The following DAPK2 variants were observed in gnomAD, a reference collection of about 807,000 sequenced individuals.
DAPK2 encodes the protein death associated protein kinase 2.
In DAPK2, 35 loss-of-function variants were observed where a neutral mutation model predicts 44.1. That is an observed-to-expected ratio of 0.79 (90% CI 0.61 to 1.05). The LOEUF is 1.05. Among genes scored for constraint, DAPK2 ranks in the 50% least tolerant of loss-of-function variants. The pLI, the probability that DAPK2 is intolerant of heterozygous loss-of-function variation, is 0.00. For missense variants in DAPK2, 453 were observed against 483.2 expected, an observed-to-expected ratio of 0.94 and a Z score of 0.59; for synonymous variants, 174 against 182.6, an observed-to-expected ratio of 0.95 and a Z score of 0.38.
chr15:63,988,274 C>G (rs758051839), intron 1 of DAPK2, among the ~76,000 whole-genome samples: 30 of 152,098 alleles, frequency 2.0e-4, no homozygotes, highest in Non-Finnish European at 3.4e-4. Flanking sequence ...TAAGGGCTCT[C>G]TAGTTGTCTG....
chr15:63,980,209 A>G lies in DAPK2; in HGVS notation c.314+3324T>C, dbSNP rs1423339450. ...CAGATGGTGCACCTGAGCTCACAAG[A>G]AGCCGGCACATAACTGGCTGACCAT... is the stretch of plus-strand genomic sequence containing the variant. On this transcript the variant is annotated intron_variant, in intron 2 of 10. Transcript: ENST00000261891. This position sits in a 1 kb window ranked among gnomAD's most constrained non-coding sequence, Gnocchi z 4.3. Among the ~76,000 whole-genome samples the G allele has an allele frequency of 2.0e-5, 3 of 152,148 alleles. No individual in the cohort carries two copies. The highest frequency in any genetic ancestry group is 4.4e-5 in the Non-Finnish European group (3 of 68,030).
chr15:63,933,580 A>C (rs2077039008), intron 4 of DAPK2, among the ~76,000 whole-genome samples: 1 of 145,384 alleles, frequency 6.9e-6, no homozygotes, highest in Non-Finnish European at 1.5e-5. Context: ...CTGAAGTAGC[A>C]GTTCAGGACA....
chr15:63,930,087 C>T (rs1284178908), intron 5 of DAPK2, among the ~76,000 whole-genome samples: 1 of 152,212 alleles, frequency 6.6e-6, no homozygotes, highest in African/African-American at 2.4e-5. Flanking sequence ...ACTGAGCGAG[C>T]TACTGTTACT....
intron 2 of DAPK2, among the ~76,000 whole-genome samples, chr15:63,976,122 T>C (rs2078339641): frequency 6.6e-6 from 1 of 152,184 alleles, no homozygotes; most frequent in African/African-American, 2.4e-5. Context: ...TGATATGCTG[T>C]GACTTACAAA....
At chr15:64,031,562 G>A (rs145143544) in intron 1 of DAPK2, among the ~76,000 whole-genome samples, 5 of 152,278 alleles carry the variant, frequency 3.3e-5, no homozygotes, top group East Asian at 1.9e-4. Context: ...TATGTCAATC[G>A]TTTTCACTTT....
At chr15:63,956,029 T>C (rs142173741) in intron 3 of DAPK2, among the ~76,000 whole-genome samples, 33 of 152,380 alleles carry the variant, frequency 2.2e-4, no homozygotes, top group African/African-American at 7.7e-4. Context: ...TGGTAGGTTG[T>C]ACCTGTCTAG....
chr15:63,923,026 G>T lies in DAPK2; in HGVS notation c.858+1790C>A, dbSNP rs1460306104. ...GCTTCTTCAATGACTCCACCTTGCG[G>T]AACTCATACCTGAGCTGGGACAGGT... On this transcript the variant is annotated intron_variant, in intron 8 of 10. Coordinates refer to ENST00000261891, the Ensembl canonical transcript of DAPK2. The surrounding 1 kb of genome is among the most constrained non-coding windows in gnomAD (Gnocchi z 4.2). 1 of 1,535,858 alleles carries T rather than the reference G, an allele frequency of 6.5e-7. No homozygotes were observed. Among genetic ancestry groups the T allele is most frequent in the East Asian group, 2.4e-5 (1 of 40,908 alleles).
intron 1 of DAPK2, among the ~76,000 whole-genome samples, chr15:63,996,477 T>A (rs2078951628): frequency 6.6e-6 from 1 of 152,080 alleles, no homozygotes; most frequent in East Asian, 1.9e-4. Context: ...TAAAAATAAA[T>A]GAGACACCCG....
At chr15:63,926,043 G>A (rs1567207541) in exon 7 of DAPK2, 1 of 1,613,928 alleles carries the variant, frequency 6.2e-7, no homozygotes, top group Non-Finnish European at 8.5e-7. Context: ...TGTGATATTT[G>A]CCAGTGTTTC....
At chr15:64,036,343 A>G (rs1007826930) in intron 1 of DAPK2, among the ~76,000 whole-genome samples, 3 of 136,106 alleles carry the variant, frequency 2.2e-5, no homozygotes, top group African/African-American at 7.7e-5. Flanking sequence ...ATATACATAT[A>G]TATATATATA....
intron 1 of DAPK2, among the ~76,000 whole-genome samples, chr15:64,014,129 G>T (rs1219819531): frequency 2.0e-5 from 3 of 152,226 alleles, no homozygotes; most frequent in Non-Finnish European, 2.9e-5. Context: ...GGGAAATGGG[G>T]TTATCACAGA....
At chr15:63,938,020 A>G (rs2077209984) in intron 4 of DAPK2, among the ~76,000 whole-genome samples, 1 of 151,938 alleles carries the variant, frequency 6.6e-6, no homozygotes, top group South Asian at 2.1e-4. Flanking sequence ...GTGACAAATA[A>G]CCTGAGTTTA....
At chr15:64,017,487 T>C (rs2079562096) in intron 1 of DAPK2, among the ~76,000 whole-genome samples, 1 of 152,174 alleles carries the variant, frequency 6.6e-6, no homozygotes, top group Non-Finnish European at 1.5e-5. Flanking sequence ...CTCAAGGTGC[T>C]TGCATCTCCC....
At position 63,908,746 on chromosome 15, in the gene DAPK2, C is replaced by A; in HGVS notation, c.1033-146G>T. ...GGTGGTGAAAGCAAGCCTGCTGATC[C>A]ATCCAGGGGCTGGGGGATGGGAGGG... On this transcript the variant is annotated intron_variant, in intron 10 of 10. Transcript: ENST00000261891. The surrounding 1 kb of genome is among the most constrained non-coding windows in gnomAD (Gnocchi z 5.7). 1.8e-6 allele frequency: 1 copy of A among 542,546 alleles called. No individual in the cohort carries two copies. Among genetic ancestry groups the A allele is most frequent in the Non-Finnish European group, 3.1e-6 (1 of 322,014 alleles). The allele number at this position is 542,546 out of a possible 1,614,324, so 33.6% of individuals were successfully genotyped here.
intron 3 of DAPK2, among the ~76,000 whole-genome samples, chr15:63,959,858 G>A (rs1217584033): frequency 2.0e-5 from 3 of 152,186 alleles, no homozygotes; most frequent in Non-Finnish European, 4.4e-5. Flanking sequence ...TCAGGATGAT[G>A]TTGGCCTCAT....
chr15:64,040,196 A>G (rs2080316023), exon 1 of DAPK2: 4 of 1,614,006 alleles, frequency 2.5e-6, no homozygotes, highest in Non-Finnish European at 3.4e-6. Context: ...CGATGTCATA[A>G]AAGTCCTCCA....
chr15:63,929,669 C>A, intron 5 of DAPK2, 92 bp from the exon 7 acceptor site: 2 of 1,480,138 alleles, frequency 1.4e-6, no homozygotes, highest in Non-Finnish European at 1.9e-6. Flanking sequence ...GAAGAGGTCA[C>A]TTGCCTCCTC....
At position 64,036,672 on chromosome 15, in the gene DAPK2, T is replaced by G. The variant is rs369741934; in HGVS notation, c.92+3498A>C. On this transcript the variant is annotated intron_variant, in intron 1 of 10. Transcript: ENST00000261891. ...TCATCCATTGTTACATGTAACAAAC[T>G]GTTGTTCATTTTCATTTTTGCATAG... 1.1e-4 allele frequency among the ~76,000 whole-genome samples: 17 copies of G among 152,172 alleles called. No individual in the cohort carries two copies. In the East Asian group the frequency reaches 1.9e-3, roughly 17 times the overall value.
In DAPK2 at chr15:63,939,182, A is replaced by AC; in HGVS notation, c.583+49dup. ...ACACAGGTTTCTTCCCAGGATCCCT[A>AC]CCTTTGATGCCAGATTCTTAGCTGA... On this transcript the variant is annotated intron_variant, in intron 4 of 10. Transcript: ENST00000261891. The surrounding 1 kb of genome is among the most constrained non-coding windows in gnomAD (Gnocchi z 4.3). 1.2e-6 allele frequency: 2 copies of AC among 1,607,510 alleles called. No homozygotes were observed. Among genetic ancestry groups the AC allele is most frequent in the Non-Finnish European group, 1.7e-6 (2 of 1,176,282 alleles).
Sources: allele counts gnomAD v4.1 joint callset (sites outside exome capture counted in the v4.1 genomes callset), GRCh38; gene constraint gnomAD v4.1.1; non-coding constraint Gnocchi (gnomAD v3.1); transcripts MANE v1.5; gene names NCBI Gene and HGNC (gene_info 2026-07-23, HGNC 2026-07-21).